Variants in DPP10 observed in about 807,000 individuals in gnomAD.
The protein encoded by DPP10 is dipeptidyl peptidase like 10.
In DPP10, 33 loss-of-function variants were observed where a neutral mutation model predicts 120.9. That is an observed-to-expected ratio of 0.27 (90% CI 0.21 to 0.37). DPP10 has a LOEUF of 0.37. Among genes scored for constraint, DPP10 ranks in the 10% least tolerant of loss-of-function variants. The probability of loss-of-function intolerance (pLI) is 1.00; values close to 1 mark genes in which losing one functional copy is unlikely to be tolerated. For synonymous variants in DPP10, 337 were observed against 326.1 expected, an observed-to-expected ratio of 1.03 and a Z score of -0.36; for missense variants, 816 against 942.8, an observed-to-expected ratio of 0.87 and a Z score of 1.76.
intron 1 of DPP10, among the ~76,000 whole-genome samples, chr2:114,968,044 G>A (rs1699157964): frequency 6.6e-6 from 1 of 152,110 alleles, no homozygotes; most frequent in Non-Finnish European, 1.5e-5. Context: ...TGTCCATACA[G>A]CCACCCAAGG....
chr2:115,403,563 C>T (rs544993681), intron 3 of DPP10, among the ~76,000 whole-genome samples: 1 of 152,100 alleles, frequency 6.6e-6, no homozygotes, highest in African/African-American at 2.4e-5. Context: ...TAACACCCAG[C>T]TAATTTTTGT....
At chr2:114,564,423 A>G (rs565772062) in intron 1 of DPP10, among the ~76,000 whole-genome samples, 71 of 152,296 alleles carry the variant, frequency 4.7e-4, no homozygotes, top group African/African-American at 1.7e-3. Flanking sequence ...ACTCAAGACC[A>G]TGGTTGTCTG....
intron 1 of DPP10, among the ~76,000 whole-genome samples, chr2:114,919,611 ACTTT>A (rs977871844): frequency 2.6e-5 from 4 of 152,226 alleles, no homozygotes; most frequent in African/African-American, 9.6e-5. Context: ...AATCTAGTAG[ACTTT>A]CTTTCTAAGA....
At chr2:115,030,528 G>A (rs547530125) in intron 1 of DPP10, among the ~76,000 whole-genome samples, 5 of 152,076 alleles carry the variant, frequency 3.3e-5, no homozygotes, top group African/African-American at 9.7e-5. Context: ...GAATGTGTAC[G>A]TTTGTTAGTT....
At chr2:114,537,668 C>T (rs983053305) in intron 1 of DPP10, among the ~76,000 whole-genome samples, 1 of 152,216 alleles carries the variant, frequency 6.6e-6, no homozygotes, top group Non-Finnish European at 1.5e-5. Context: ...TATTCCATCC[C>T]ATTTGATCAT....
chr2:115,382,074 G>T (rs1165537258), intron 3 of DPP10, among the ~76,000 whole-genome samples: 1 of 152,156 alleles, frequency 6.6e-6, no homozygotes, highest in African/African-American at 2.4e-5. Flanking sequence ...GCTGTGGTGG[G>T]CTCCACCCAG....
intron 5 of DPP10, among the ~76,000 whole-genome samples, chr2:115,590,022 CT>C (rs2082534589): frequency 6.6e-6 from 1 of 151,822 alleles, no homozygotes; most frequent in Non-Finnish European, 1.5e-5. Context: ...TATCTCCCTG[CT>C]TTTTGTTTCC....
At chr2:114,603,268 CG>C (rs1183879567) in intron 1 of DPP10, among the ~76,000 whole-genome samples, 5 of 151,500 alleles carry the variant, frequency 3.3e-5, no homozygotes, top group African/African-American at 4.9e-5. Flanking sequence ...AATTTTCATA[CG>C]AAAAAAATGG....
intron 1 of DPP10, among the ~76,000 whole-genome samples, chr2:114,811,608 A>G (rs1216480699): frequency 6.6e-6 from 1 of 151,270 alleles, no homozygotes; most frequent in African/African-American, 2.4e-5. Context: ...CCTCACCATT[A>G]TCACCACTCA....
chr2:114,468,377 A>T (rs1224223919), intron 1 of DPP10, among the ~76,000 whole-genome samples: 2 of 129,838 alleles, frequency 1.5e-5, no homozygotes, highest in Admixed American at 1.0e-4. Flanking sequence ...TCATTGGATG[A>T]CCTTGTCAGG....
intron 1 of DPP10, among the ~76,000 whole-genome samples, chr2:115,261,726 C>T (rs1183818524): frequency 6.6e-6 from 1 of 152,142 alleles, no homozygotes; most frequent in Admixed American, 6.5e-5. Flanking sequence ...TCTCATCACT[C>T]TTTTGTATCC....
intron 1 of DPP10, among the ~76,000 whole-genome samples, chr2:115,098,710 C>G (rs115753833): frequency 0.013 from 1,933 of 152,222 alleles, 33 homozygotes; most frequent in African/African-American, 0.044. Flanking sequence ...TCTAGAATCC[C>G]TGGAAAAACA....
intron 1 of DPP10, among the ~76,000 whole-genome samples, chr2:114,868,188 A>G (rs2106554010): frequency 6.6e-6 from 1 of 152,258 alleles, no homozygotes; most frequent in Non-Finnish European, 1.5e-5. Context: ...CATTTATGTA[A>G]AATGTGCTTG....
intron 17 of DPP10, among the ~76,000 whole-genome samples, chr2:115,786,536 T>C (rs924456285): frequency 5.3e-5 from 8 of 152,084 alleles, no homozygotes; most frequent in African/African-American, 1.9e-4. Flanking sequence ...TAAAGAAAAC[T>C]GGACAAAATA....
intron 5 of DPP10, among the ~76,000 whole-genome samples, chr2:115,577,832 C>T (rs1291661238): frequency 6.6e-6 from 1 of 152,086 alleles, no homozygotes; most frequent in African/African-American, 2.4e-5. Context: ...GATTAGGGCT[C>T]ACCCTAATGA....
chr2:115,135,400 A>G (rs2050602159), intron 1 of DPP10, among the ~76,000 whole-genome samples: 1 of 152,094 alleles, frequency 6.6e-6, no homozygotes, highest in African/African-American at 2.4e-5. Context: ...TATATTAATT[A>G]TTACTTTCCT....
chr2:114,501,580 G>A (rs1286542052), intron 1 of DPP10, among the ~76,000 whole-genome samples: 2 of 152,098 alleles, frequency 1.3e-5, no homozygotes, highest in African/African-American at 4.8e-5. Flanking sequence ...TAACTTGAAG[G>A]TGAAATACCC....
intron 1 of DPP10, among the ~76,000 whole-genome samples, chr2:114,509,424 G>A (rs937693575): frequency 3.9e-5 from 6 of 152,294 alleles, no homozygotes; most frequent in African/African-American, 1.4e-4. Flanking sequence ...ACTGAACTAA[G>A]AAATGAGTTC....
At chr2:115,558,929 T>C (rs1248461878) in intron 5 of DPP10, among the ~76,000 whole-genome samples, 12 of 152,182 alleles carry the variant, frequency 7.9e-5, no homozygotes, top group Non-Finnish European at 2.9e-5. Context: ...TATTTGTGAA[T>C]GACAGGTACT....
Sources: gnomAD v4.1 joint callset for allele counts (sites outside exome capture counted in the v4.1 genomes callset) on GRCh38, gnomAD v4.1.1 for gene constraint, MANE v1.5 for transcripts, NCBI Gene and HGNC (gene_info 2026-07-23, HGNC 2026-07-21) for gene names.